The following FBXL7 variants were observed in gnomAD, a reference collection of about 807,000 sequenced individuals.
The protein encoded by FBXL7 is F-box and leucine rich repeat protein 7.
A neutral mutation model predicts 38.3 loss-of-function variants in FBXL7; 12 were observed. The ratio of observed to expected loss-of-function variants is 0.31; its 90% CI spans 0.20 to 0.51. FBXL7 has a LOEUF of 0.51. FBXL7 is among the 20% of genes least tolerant of loss of function. The pLI, the probability that FBXL7 is intolerant of heterozygous loss-of-function variation, is 0.98. For synonymous variants in FBXL7, 297 were observed against 300.9 expected, an observed-to-expected ratio of 0.99 and a Z score of 0.13; for missense variants, 567 against 676.4, an observed-to-expected ratio of 0.84 and a Z score of 1.79.
intron 1 of FBXL7, among the ~76,000 whole-genome samples, chr5:15,547,787 G>T (rs1737957159): frequency 6.6e-6 from 1 of 152,216 alleles, no homozygotes; most frequent in African/African-American, 2.4e-5. Context: ...CCTCAGGATG[G>T]TGTATCCCCA....
At chr5:15,912,760 G>A (rs752000040) in intron 2 of FBXL7, among the ~76,000 whole-genome samples, 4 of 152,086 alleles carry the variant, frequency 2.6e-5, no homozygotes, top group Non-Finnish European at 5.9e-5. Context: ...CCGCACTCAG[G>A]GACCCACCGA....
rs1310365329 is a variant in FBXL7, at chr5:15,928,863, T to C, written c.739+362T>C. ...TATCTCCACTTCTTACGGGAGTTCT[T>C]AGGGGAATTCTGGCACATTTTGCCT... On this transcript the variant is annotated intron_variant, in intron 3 of 3. Coordinates refer to ENST00000504595, the MANE Select transcript of FBXL7 (RefSeq NM_012304.5). The surrounding 1 kb of genome is among the most constrained non-coding windows in gnomAD (Gnocchi z 4.0). Among the ~76,000 whole-genome samples, 1 of 152,160 alleles carries C rather than the reference T, an allele frequency of 6.6e-6. No homozygotes were observed. The highest frequency in any genetic ancestry group is 1.5e-5 in the Non-Finnish European group (1 of 68,024).
At chr5:15,663,240 C>A (rs1240999458) in intron 2 of FBXL7, among the ~76,000 whole-genome samples, 1 of 151,998 alleles carries the variant, frequency 6.6e-6, no homozygotes, top group Non-Finnish European at 1.5e-5. Context: ...GTATGCCTAG[C>A]TATTTTATTC....
intron 2 of FBXL7, among the ~76,000 whole-genome samples, chr5:15,868,097 C>T (rs924351982): frequency 5.0e-5 from 7 of 140,150 alleles, no homozygotes; most frequent in South Asian, 2.3e-4. Flanking sequence ...AGCAAGACTC[C>T]GTCTCAAAAA....
chr5:15,701,047 T>G (rs1348294487), intron 2 of FBXL7, among the ~76,000 whole-genome samples: 2 of 152,202 alleles, frequency 1.3e-5, no homozygotes, highest in African/African-American at 4.8e-5. Context: ...TGTGTCTTGC[T>G]GAGAATTGAG....
intron 2 of FBXL7, among the ~76,000 whole-genome samples, chr5:15,854,023 T>C (rs760724037): frequency 8.5e-5 from 13 of 152,216 alleles, no homozygotes; most frequent in East Asian, 3.8e-4. Flanking sequence ...TGCCAAGCCA[T>C]TGGACTAAAA....
chr5:15,815,798 G>T (rs1445708126), intron 2 of FBXL7, among the ~76,000 whole-genome samples: 2 of 152,140 alleles, frequency 1.3e-5, no homozygotes, highest in Admixed American at 1.3e-4. Flanking sequence ...TTGGCTGAGG[G>T]TGTTTTTAGT....
At chr5:15,836,101 T>TG (rs1206766728) in intron 2 of FBXL7, among the ~76,000 whole-genome samples, 1 of 152,212 alleles carries the variant, frequency 6.6e-6, no homozygotes, top group Non-Finnish European at 1.5e-5. Context: ...ATGTCGAGGA[T>TG]GTCAGGGTAA....
At chr5:15,798,847 A>AT (rs563767225) in intron 2 of FBXL7, among the ~76,000 whole-genome samples, 215 of 152,088 alleles carry the variant, frequency 1.4e-3, no homozygotes, top group African/African-American at 4.7e-3. Context: ...TTCTAGATTC[A>AT]TTTTTTTTCT....
At chr5:15,634,958 G>C (rs1741133707) in intron 2 of FBXL7, among the ~76,000 whole-genome samples, 1 of 151,896 alleles carries the variant, frequency 6.6e-6, no homozygotes, top group Non-Finnish European at 1.5e-5. Flanking sequence ...TCATGATCTT[G>C]AATCACATCT....
chr5:15,740,940 A>C (rs74353043), intron 2 of FBXL7, among the ~76,000 whole-genome samples: 1 of 152,228 alleles, frequency 6.6e-6, no homozygotes, highest in African/African-American at 2.4e-5. Flanking sequence ...TTTATATGAC[A>C]TAAAGAATGT....
At chr5:15,661,757 C>T (rs1160992060) in intron 2 of FBXL7, among the ~76,000 whole-genome samples, 5 of 152,146 alleles carry the variant, frequency 3.3e-5, no homozygotes, top group African/African-American at 1.2e-4. Context: ...TATTTAGCTC[C>T]CACTAGAAGT....
chr5:15,903,772 AAATTAAAAC>A (rs1299626469), intron 2 of FBXL7, among the ~76,000 whole-genome samples: 1 of 152,196 alleles, frequency 6.6e-6, no homozygotes, highest in East Asian at 1.9e-4. Flanking sequence ...AAATTAAATT[AAATTAAAAC>A]AAACAGGTTA....
chr5:15,712,733 G>T (rs1579399343), intron 2 of FBXL7, among the ~76,000 whole-genome samples: 1 of 151,928 alleles, frequency 6.6e-6, no homozygotes, highest in Admixed American at 6.6e-5. Flanking sequence ...GAAGGAAGGA[G>T]GACAGAGAGG....
intron 2 of FBXL7, among the ~76,000 whole-genome samples, chr5:15,682,215 C>A (rs1291046002): frequency 6.6e-6 from 1 of 152,160 alleles, no homozygotes; most frequent in Non-Finnish European, 1.5e-5. Context: ...TGCAAAATTG[C>A]CACAGAATAA....
At chr5:15,830,234 A>C (rs1293712841) in intron 2 of FBXL7, among the ~76,000 whole-genome samples, 1 of 152,132 alleles carries the variant, frequency 6.6e-6, no homozygotes, top group East Asian at 1.9e-4. Context: ...CTGTAACCCC[A>C]GCACTTTGGG....
chr5:15,650,844 C>A (rs2126569628), intron 2 of FBXL7, among the ~76,000 whole-genome samples: 1 of 152,256 alleles, frequency 6.6e-6, no homozygotes, highest in East Asian at 1.9e-4. Flanking sequence ...AATTCTAATT[C>A]TCTTGCTATT....
At chr5:15,576,084 T>C (rs1738956909) in intron 1 of FBXL7, among the ~76,000 whole-genome samples, 1 of 141,554 alleles carries the variant, frequency 7.1e-6, no homozygotes, top group African/African-American at 2.6e-5. Context: ...TTTTTTTTTT[T>C]TTTTTTTTTT....
At chr5:15,923,688 A>G (rs1170909294) in intron 2 of FBXL7, among the ~76,000 whole-genome samples, 2 of 152,116 alleles carry the variant, frequency 1.3e-5, no homozygotes, top group East Asian at 1.9e-4. Flanking sequence ...CAAATTGTTA[A>G]TCATCTTTTC....
Sources: allele counts gnomAD v4.1 joint callset (sites outside exome capture counted in the v4.1 genomes callset), GRCh38; gene constraint gnomAD v4.1.1; non-coding constraint Gnocchi (gnomAD v3.1); transcripts MANE v1.5; gene names NCBI Gene and HGNC (gene_info 2026-07-23, HGNC 2026-07-21).